PSD3: variants seen among roughly 807,000 people sequenced by gnomAD.
PSD3 encodes pleckstrin and Sec7 domain containing 3, also known as PH and SEC7 domain-containing protein 3.
Under a neutral mutation model 105.5 loss-of-function variants are expected in PSD3, and 49 were observed. The ratio of observed to expected loss-of-function variants is 0.46; its 90% confidence interval spans 0.37 to 0.59. PSD3 has a LOEUF of 0.59. PSD3 is among the 20% of genes least tolerant of loss of function. The pLI is 0.00. For synonymous variants in PSD3, 557 were observed against 457.8 expected (o/e 1.22, Z -2.77); for missense variants, 1,561 against 1,263.8 (o/e 1.24, Z -3.57).
chr8:18,909,343 C>T (rs1820053852), intron 2 of PSD3, among the ~76,000 whole-genome samples: 1 of 152,144 alleles, frequency 6.6e-6, no homozygotes, highest in African/African-American at 2.4e-5. Flanking sequence ...TGACTGGATG[C>T]TTCAATATAT....
chr8:18,970,108 G>A (rs1005250175), intron 1 of PSD3, among the ~76,000 whole-genome samples: 11 of 151,342 alleles, frequency 7.3e-5, no homozygotes, highest in Non-Finnish European at 4.4e-5. Context: ...GGCGGATCAC[G>A]AGGTCAGGAG....
At chr8:18,821,179 T>TTC (rs1416892959) in intron 4 of PSD3, among the ~76,000 whole-genome samples, 2 of 151,822 alleles carry the variant, frequency 1.3e-5, no homozygotes, top group African/African-American at 4.8e-5. Flanking sequence ...TGAAATTCTT[T>TTC]TTTTTTTTTG....
rs76884095 is a variant in PSD3 at position 18,549,945 on chromosome 8, C to T, written c.2928+6264G>A. Among the ~76,000 whole-genome samples the T allele has an allele frequency of 7.0e-3, 1,072 of 152,268 alleles. 2 individuals are homozygous for T. The highest frequency in any genetic ancestry group is 9.9e-3 in the African/African-American group (413 of 41,554). On this transcript the variant is annotated intron_variant, in intron 15 of 15. Coordinates refer to ENST00000327040, the MANE Select transcript of PSD3 (RefSeq NM_015310.4). ...ACCCAATCCCATCTCATTTCTATGA[C>T]GAGGAAACTGAGGTTCAGAAAGGAT...
intron 9 of PSD3, among the ~76,000 whole-genome samples, chr8:18,679,374 A>G (rs1358772003): frequency 6.6e-6 from 1 of 152,214 alleles, no homozygotes; most frequent in Non-Finnish European, 1.5e-5. Flanking sequence ...TTATTGCAAC[A>G]CGTTTTTAAA....
At chr8:18,968,416 G>A (rs1213147723) in intron 1 of PSD3, among the ~76,000 whole-genome samples, 1 of 152,192 alleles carries the variant, frequency 6.6e-6, no homozygotes. Context: ...AACCACACAC[G>A]TTATTTCAAG....
In PSD3 at chr8:18,610,395, G is replaced by A. The variant is rs114711199; in HGVS notation, c.2411-9961C>T. 8.3e-3 allele frequency among the ~76,000 whole-genome samples: 1,263 copies of A among 152,238 alleles called. 17 individuals carry two copies. Among genetic ancestry groups the A allele is most frequent in the African/African-American group, 0.028 (1,153 of 41,534 alleles). ...AGTGTTCGAACTGTATTCAAATAAG[G>A]TACGTGCTGAGCTGTAACCAACCCA... On this transcript the variant is annotated intron_variant, in intron 11 of 15. Coordinates refer to ENST00000327040, the MANE Select transcript of PSD3 (RefSeq NM_015310.4).
At position 18,935,709 on chromosome 8, in the gene PSD3, C is replaced by T. The variant is rs1456631115; in HGVS notation, c.130+325G>A. On this transcript the variant is annotated intron_variant, in intron 2 of 15. Transcript: ENST00000327040. ...AGACTTTGTCTCAAAAAAAAAAAAA[C>T]CACCAAAAATACATTAGTCAATATA... is the stretch of plus-strand genomic sequence containing the variant. Among the ~76,000 whole-genome samples the T allele has an allele frequency of 2.0e-4, 25 of 126,118 alleles. 2 individuals are homozygous for T. The highest frequency in any genetic ancestry group is 7.2e-4 in the African/African-American group (24 of 33,260). 82.7% of individuals were successfully genotyped at this position (126,118 alleles called of 152,430 possible). A position where few individuals can be genotyped will look rare whatever the true frequency, so the allele number is the denominator to read the frequency against.
chr8:19,000,408 AGAG>A lies in PSD3; in HGVS notation c.21+13152_21+13154del, dbSNP rs1183268468. 3.0e-4 allele frequency among the ~76,000 whole-genome samples: 41 copies of A among 136,526 alleles called. 1 individual carries two copies. Among genetic ancestry groups the A allele is most frequent in the African/African-American group, 8.6e-4 (32 of 37,104 alleles). 89.6% of individuals were successfully genotyped at this position (136,526 alleles called of 152,430 possible). A position where few individuals can be genotyped will look rare whatever the true frequency, so the allele number is the denominator to read the frequency against. On this transcript the variant is annotated intron_variant, in intron 1 of 15. Transcript: ENST00000327040. ...CAAGGCTCTGTCTGAAAAAAAAAAA[AGAG>A]AGAGAAAAAAAACCTGATACAATCA...
chr8:18,776,051 T>C (rs1215731338), intron 8 of PSD3, among the ~76,000 whole-genome samples: 1 of 152,042 alleles, frequency 6.6e-6, no homozygotes, highest in East Asian at 1.9e-4. Flanking sequence ...TCTAGTTTGA[T>C]TCTTCTTCAT....
intron 11 of PSD3, among the ~76,000 whole-genome samples, chr8:18,603,215 C>T (rs1339135227): frequency 1.3e-5 from 2 of 152,132 alleles, no homozygotes; most frequent in African/African-American, 4.8e-5. Flanking sequence ...AATTGCTTTC[C>T]TTCTTGAAAA....
At chr8:18,747,825 G>GA (rs1319328432) in intron 9 of PSD3, among the ~76,000 whole-genome samples, 3 of 149,414 alleles carry the variant, frequency 2.0e-5, no homozygotes, top group East Asian at 3.9e-4. Flanking sequence ...AAAAAAAAAA[G>GA]AAAAAAAAAG....
intron 11 of PSD3, among the ~76,000 whole-genome samples, chr8:18,606,401 T>G (rs1804833036): frequency 6.6e-6 from 1 of 152,234 alleles, no homozygotes; most frequent in Non-Finnish European, 1.5e-5. Context: ...GCTTTATTCC[T>G]GGCCTAACAG....
At chr8:19,016,381 G>A (rs1441858900), upstream of PSD3, among the ~76,000 whole-genome samples, 1 of 152,204 alleles carries the variant, frequency 6.6e-6, no homozygotes, top group Non-Finnish European at 1.5e-5. Context: ...AGAAAAGGAA[G>A]ATGAAATTCC....
intron 8 of PSD3, 104 bp downstream of exon 8, chr8:18,799,191 G>A (rs962643981): frequency 9.9e-7 from 1 of 1,013,174 alleles, no homozygotes; most frequent in Admixed American, 1.8e-5. Flanking sequence ...TGGGAACCAT[G>A]TAGAGAATGG....
At chr8:18,805,995 A>G (rs1811161573) in intron 4 of PSD3, among the ~76,000 whole-genome samples, 1 of 152,196 alleles carries the variant, frequency 6.6e-6, no homozygotes, top group African/African-American at 2.4e-5. Context: ...TTTAGCCCCA[A>G]CTTAAATGAC....
At chr8:18,602,437 T>C (rs754758453) in intron 11 of PSD3, among the ~76,000 whole-genome samples, 8 of 152,042 alleles carry the variant, frequency 5.3e-5, no homozygotes, top group Non-Finnish European at 1.2e-4. Flanking sequence ...ACTTTTCTAT[T>C]TCCCACAGAA....
At chr8:18,545,159 G>A (rs1362119516) in intron 15 of PSD3, among the ~76,000 whole-genome samples, 1 of 152,140 alleles carries the variant, frequency 6.6e-6, no homozygotes, top group African/African-American at 2.4e-5. Flanking sequence ...AACTCAGTCT[G>A]TATAAGTATT....
chr8:18,669,646 A>G (rs1458052835), intron 9 of PSD3, among the ~76,000 whole-genome samples: 14 of 152,214 alleles, frequency 9.2e-5, no homozygotes, highest in Admixed American at 7.2e-4. Context: ...ATTGCATCGC[A>G]CTACGCCGGA....
intron 8 of PSD3, among the ~76,000 whole-genome samples, chr8:18,775,176 A>G (rs972661090): frequency 1.6e-4 from 24 of 152,128 alleles, no homozygotes; most frequent in Non-Finnish European, 1.5e-5. Flanking sequence ...CCACATTGCT[A>G]CCAATAACAT....
Sources: allele counts gnomAD v4.1 joint callset (sites outside exome capture counted in the v4.1 genomes callset), GRCh38; gene constraint gnomAD v4.1.1; transcripts MANE v1.5; gene names NCBI Gene and HGNC (gene_info 2026-07-23, HGNC 2026-07-21).